Variants in DOCK2 observed in about 807,000 individuals in gnomAD.
The protein encoded by DOCK2 is dedicator of cytokinesis protein 2.
DOCK2 carries 87 observed loss-of-function variants against 248.9 expected under a neutral mutation model. The ratio of observed to expected loss-of-function variants is 0.35; its 90% CI spans 0.29 to 0.42. The LOEUF is 0.42. Among genes scored for constraint, DOCK2 ranks in the 10% least tolerant of loss-of-function variants. The probability of loss-of-function intolerance (pLI) is 1.00; values close to 1 mark genes in which losing one functional copy is unlikely to be tolerated. For synonymous variants in DOCK2, 805 were observed against 821.6 expected, an observed-to-expected ratio of 0.98 and a Z score of 0.35; for missense variants, 1,747 against 2,300.2, an observed-to-expected ratio of 0.76 and a Z score of 4.92.
At position 169,998,201 on chromosome 5, in the gene DOCK2, G is replaced by A. The variant is rs375584291; in HGVS notation, c.3072+2037G>A. On this transcript the variant is annotated intron_variant, in intron 30 of 51. Transcript: ENST00000520908. ...GAACTCATCTTTCTTGTCTACCTGC[G>A]TATTTTCTCTTTCCTCCCATAGAAC... is the stretch of plus-strand genomic sequence containing the variant. 6.6e-4 allele frequency among the ~76,000 whole-genome samples: 101 copies of A among 152,260 alleles called. 1 individual carries two copies. The highest frequency in any genetic ancestry group is 2.2e-3 in the African/African-American group (92 of 41,542).
chr5:169,652,577 ACAT>A (rs1348319565), intron 1 of DOCK2, among the ~76,000 whole-genome samples: 1 of 152,234 alleles, frequency 6.6e-6, no homozygotes, highest in Non-Finnish European at 1.5e-5. Flanking sequence ...GGTACTGTTA[ACAT>A]CCCCATTGTA....
intron 6 of DOCK2, among the ~76,000 whole-genome samples, chr5:169,681,219 G>GT (rs1759645272): frequency 6.8e-6 from 1 of 147,244 alleles, no homozygotes; most frequent in Non-Finnish European, 1.5e-5. Flanking sequence ...CGCCTCCCAG[G>GT]TTCAAGAAAT....
intron 33 of DOCK2, among the ~76,000 whole-genome samples, chr5:170,025,502 A>G (rs1755869636): frequency 1.3e-5 from 2 of 152,186 alleles, no homozygotes; most frequent in African/African-American, 4.8e-5. Flanking sequence ...CTTTCCCAAG[A>G]TGGCAGAGGG....
At chr5:169,968,097 C>A (rs1041302869) in intron 27 of DOCK2, among the ~76,000 whole-genome samples, 4 of 152,160 alleles carry the variant, frequency 2.6e-5, no homozygotes, top group African/African-American at 9.7e-5. Flanking sequence ...GAAAACCTTC[C>A]TGGAATTCTC....
At chr5:169,657,041 T>G (rs1758162198) in intron 2 of DOCK2, among the ~76,000 whole-genome samples, 1 of 152,268 alleles carries the variant, frequency 6.6e-6, no homozygotes, top group Admixed American at 6.5e-5. Context: ...AATTTATTAA[T>G]TATTTGAAAA....
chr5:169,723,722 C>G (rs916132029), intron 22 of DOCK2, among the ~76,000 whole-genome samples: 12 of 152,170 alleles, frequency 7.9e-5, no homozygotes, highest in African/African-American at 2.9e-4. Flanking sequence ...TTTCACTACC[C>G]TATTTAAAAT....
chr5:169,682,798 G>A (rs1269605174), intron 7 of DOCK2, among the ~76,000 whole-genome samples: 1 of 152,048 alleles, frequency 6.6e-6, no homozygotes, highest in Non-Finnish European at 1.5e-5. Flanking sequence ...AAGTTTCTTT[G>A]TGCTCCTTCT....
intron 6 of DOCK2, among the ~76,000 whole-genome samples, chr5:169,674,760 T>G (rs564070599): frequency 6.6e-6 from 1 of 152,326 alleles, no homozygotes; most frequent in African/African-American, 2.4e-5. Flanking sequence ...AGTTGTCATT[T>G]TATACCTGCA....
chr5:170,034,820 G>A (rs1045876487), intron 35 of DOCK2, among the ~76,000 whole-genome samples: 16 of 152,208 alleles, frequency 1.1e-4, no homozygotes, highest in African/African-American at 3.9e-4. Flanking sequence ...ATGGAAGGAA[G>A]ATGACAGTAT....
At chr5:169,736,731 C>T (rs1763061265) in intron 22 of DOCK2, among the ~76,000 whole-genome samples, 2 of 152,196 alleles carry the variant, frequency 1.3e-5, no homozygotes, top group African/African-American at 4.8e-5. Flanking sequence ...AGGATTTATT[C>T]ATCCTTACAT....
At chr5:170,039,263 T>TA (rs1285098270) in intron 36 of DOCK2, among the ~76,000 whole-genome samples, 6 of 152,234 alleles carry the variant, frequency 3.9e-5, no homozygotes, top group African/African-American at 1.4e-4. Context: ...GATCAACTGT[T>TA]ATGCCATGGG....
At chr5:169,845,327 A>G (rs996166219) in intron 27 of DOCK2, among the ~76,000 whole-genome samples, 1 of 151,860 alleles carries the variant, frequency 6.6e-6, no homozygotes, top group African/African-American at 2.4e-5. Context: ...GGCCCTGTGC[A>G]TACTTAGGTC....
chr5:169,855,515 T>C (rs1367372574), intron 27 of DOCK2, among the ~76,000 whole-genome samples: 2 of 152,138 alleles, frequency 1.3e-5, no homozygotes, highest in Non-Finnish European at 2.9e-5. Context: ...ATTTTTATGC[T>C]CTAGGATGGT....
At chr5:169,906,956 T>G (rs759439877) in intron 27 of DOCK2, among the ~76,000 whole-genome samples, 4 of 152,166 alleles carry the variant, frequency 2.6e-5, no homozygotes, top group Non-Finnish European at 5.9e-5. Context: ...AAATATTTAT[T>G]GAGTTCTGCT....
At chr5:169,753,926 G>C (rs566403319) in intron 23 of DOCK2, among the ~76,000 whole-genome samples, 6 of 152,142 alleles carry the variant, frequency 3.9e-5, no homozygotes, top group Non-Finnish European at 5.9e-5. Context: ...ATCATCCACT[G>C]CTTGGCTAAA....
At chr5:169,990,840 G>T (rs1188572316) in intron 29 of DOCK2, among the ~76,000 whole-genome samples, 1 of 152,216 alleles carries the variant, frequency 6.6e-6, no homozygotes, top group African/African-American at 2.4e-5. Flanking sequence ...TTGTTCACAT[G>T]ATACTGCCTG....
At chr5:169,851,754 C>T (rs1384761721) in intron 27 of DOCK2, among the ~76,000 whole-genome samples, 4 of 152,116 alleles carry the variant, frequency 2.6e-5, no homozygotes, top group Non-Finnish European at 4.4e-5. Context: ...GGAGGTTTTA[C>T]ACGGTGGCAG....
At chr5:169,729,564 C>T (rs1479163803) in intron 22 of DOCK2, among the ~76,000 whole-genome samples, 1 of 152,172 alleles carries the variant, frequency 6.6e-6, no homozygotes, top group Non-Finnish European at 1.5e-5. Flanking sequence ...ATTCAATAGT[C>T]ACTTTTGAGT....
At chr5:170,044,160 TC>T (rs1756614233) in intron 38 of DOCK2, among the ~76,000 whole-genome samples, 1 of 152,190 alleles carries the variant, frequency 6.6e-6, no homozygotes, top group Non-Finnish European at 1.5e-5. Flanking sequence ...ATGCTGGCTT[TC>T]TACTCCATAA....
Sources: gnomAD v4.1 joint callset for allele counts (sites outside exome capture counted in the v4.1 genomes callset) on GRCh38, gnomAD v4.1.1 for gene constraint, MANE v1.5 for transcripts, NCBI Gene and HGNC (gene_info 2026-07-23, HGNC 2026-07-21) for gene names.